The following VTI1B variants were observed in gnomAD, a reference collection of about 807,000 sequenced individuals.
The protein encoded by VTI1B is vesicle transport through interaction with t-SNAREs 1B.
Under a neutral mutation model 28.6 loss-of-function variants are expected in VTI1B, and 18 were observed. That is an observed-to-expected ratio of 0.63 (90% CI 0.43 to 0.93). The LOEUF (loss-of-function observed/expected upper bound fraction) is 0.93. Among genes scored for constraint, VTI1B ranks in the 40% least tolerant of loss-of-function variants. The probability of loss-of-function intolerance (pLI) is 0.00; values close to 1 mark genes in which losing one functional copy is unlikely to be tolerated. For synonymous variants in VTI1B, 100 were observed against 107.9 expected (o/e 0.93, Z 0.46); for missense variants, 283 against 297.0 (o/e 0.95, Z 0.35).
chr14:67,658,393 G>A (rs989527091), intron 3 of VTI1B, among the ~76,000 whole-genome samples: 10 of 151,998 alleles, frequency 6.6e-5, no homozygotes, highest in Admixed American at 1.3e-4. Context: ...AGGAGATGGA[G>A]ATCATCCTGG....
chr14:67,661,185 C>T (rs1408800690), intron 2 of VTI1B, among the ~76,000 whole-genome samples: 1 of 145,212 alleles, frequency 6.9e-6, no homozygotes, highest in African/African-American at 2.6e-5. Context: ...GTACTAGCAG[C>T]GACCAGAATT....
chr14:67,656,278 G>C, intron 4 of VTI1B, 138 bp downstream of exon 4: 1 of 753,922 alleles, frequency 1.3e-6, no homozygotes. Flanking sequence ...AATAAAAATT[G>C]AGAAAAGCAT....
chr14:67,666,067 G>A (rs528045843), intron 1 of VTI1B, among the ~76,000 whole-genome samples: 6 of 152,300 alleles, frequency 3.9e-5, no homozygotes, highest in East Asian at 3.9e-4. Context: ...CAAAAGTGCT[G>A]AGCATCATCA....
At chr14:67,663,238 C>G (rs1264945912) in intron 1 of VTI1B, 52 of 1,284,914 alleles carry the variant, frequency 4.0e-5, no homozygotes, top group Non-Finnish European at 5.2e-5. Flanking sequence ...AAACATCTAA[C>G]TAAAACAGTA....
rs2037348061 is a variant in VTI1B, at chr14:67,662,316, C to T, written c.174+161G>A. Among the ~76,000 whole-genome samples the T allele has an allele frequency of 2.6e-5, 4 of 152,140 alleles. No individual in the cohort carries two copies. The South Asian group carries it at 8.3e-4, about 31-fold the overall frequency. On this transcript the variant is annotated intron_variant, in intron 2 of 5. Transcript: ENST00000554659. The stretch of plus-strand genomic sequence containing the variant: ...AGGCTTCACCCATTTGTTTGCCAAA[C>T]CCCCTCAACAACCATCCCCATCAAC...
intron 1 of VTI1B, among the ~76,000 whole-genome samples, chr14:67,671,379 G>T (rs2037463129): frequency 6.6e-6 from 1 of 151,816 alleles, no homozygotes; most frequent in Non-Finnish European, 1.5e-5. Context: ...TACAAAAATT[G>T]GCTAGGTGTG....
At position 67,672,547 on chromosome 14, in the gene VTI1B, G is replaced by T. The variant is rs375374109; in HGVS notation, c.115+1828C>A. Among the ~76,000 whole-genome samples the T allele has an allele frequency of 3.1e-4, 46 of 148,318 alleles. 1 individual carries two copies. Among genetic ancestry groups the T allele is most frequent in the African/African-American group, 1.1e-3 (45 of 40,386 alleles). On this transcript the variant is annotated intron_variant, in intron 1 of 5. Coordinates refer to ENST00000554659, the MANE Select transcript of VTI1B (RefSeq NM_006370.3). ...TGCAACCTCCGCCTCCTGGGTTCAA[G>T]CAATTCTGCCTCAGCCTCCTGAGTA... is the stretch of plus-strand genomic sequence containing the variant.
At position 67,674,533 on chromosome 14, in the gene VTI1B, C is replaced by G. The variant is rs781493601; in HGVS notation, c.-44G>C. ...GCAGCGGCCACCGAGATTCGGGGCC[C>G]TGGGCCCTTTCCTAGCCCGGCGGTC... is the stretch of plus-strand genomic sequence containing the variant. On this transcript the variant is annotated 5_prime_UTR_variant, in exon 1 of 6. Transcript: ENST00000554659. 4.6e-6 allele frequency: 7 copies of G among 1,521,958 alleles called. No individual in the cohort carries two copies. The highest frequency in any genetic ancestry group is 6.2e-6 in the Non-Finnish European group (7 of 1,132,718). The allele number at this position is 1,521,958 out of a possible 1,614,324, so 94.3% of individuals were successfully genotyped here. A position where few individuals can be genotyped will look rare whatever the true frequency, so the allele number is the denominator to read the frequency against.
In VTI1B at chr14:67,651,171, T is replaced by C. The variant is rs1257541138; in HGVS notation, c.*214A>G. ...AAATTTAAAGAAGTCATAAACAGCA[T>C]TTATTACCTTGGTATATCATACTGG... On this transcript the variant is annotated 3_prime_UTR_variant, in exon 6 of 6. Transcript: ENST00000554659. The C allele has an allele frequency of 4.9e-6, 5 of 1,012,812 alleles. No homozygotes were observed. Among genetic ancestry groups the C allele is most frequent in the African/African-American group, 3.3e-5 (2 of 61,352 alleles). The allele number at this position is 1,012,812 out of a possible 1,614,324, so 62.7% of individuals were successfully genotyped here. A position where few individuals can be genotyped will look rare whatever the true frequency, so the allele number is the denominator to read the frequency against.
At position 67,650,940 on chromosome 14, in the gene VTI1B, T is replaced by C. The variant is rs757822631; in HGVS notation, c.*445A>G. 6.2e-7 allele frequency: 1 copy of C among 1,609,478 alleles called. No homozygotes were observed. On this transcript the variant is annotated 3_prime_UTR_variant, in exon 6 of 6. Coordinates refer to ENST00000554659, the MANE Select transcript of VTI1B (RefSeq NM_006370.3). The stretch of plus-strand genomic sequence containing the variant: ...ATTTAGGAGACACTGTGCACTGACA[T>C]GTTTCACAACAGGCATTCCAGAATT...
chr14:67,656,797 C>G (rs2037264044), intron 3 of VTI1B, among the ~76,000 whole-genome samples: 1 of 152,116 alleles, frequency 6.6e-6, no homozygotes, highest in Admixed American at 6.5e-5. Context: ...TCACAATACC[C>G]CCACTCCACT....
rs1186420317 is a variant in VTI1B, at chr14:67,648,809, T to A, written c.*2576A>T. The stretch of plus-strand genomic sequence containing the variant: ...CATTTCTGTCAGAAAGCTTCTGGTT[T>A]TAAAGCTACTTCAAATGACCTTTCA... On this transcript the variant is annotated 3_prime_UTR_variant, in exon 6 of 6. Transcript: ENST00000554659. 4 of 152,218 alleles carry A rather than the reference T, an allele frequency of 2.6e-5. No individual in the cohort carries two copies. The highest frequency in any genetic ancestry group is 5.9e-5 in the Non-Finnish European group (4 of 68,046). The allele number at this position is 152,218 out of a possible 1,614,324, so 9.4% of individuals were successfully genotyped here.
chr14:67,655,027 T>TC (rs1555383300), intron 4 of VTI1B, among the ~76,000 whole-genome samples: 2 of 16,504 alleles, frequency 1.2e-4, no homozygotes, highest in Non-Finnish European at 2.5e-4. Context: ...AGACTCCATC[T>TC]CAAAAAAAAA....
intron 1 of VTI1B, among the ~76,000 whole-genome samples, chr14:67,664,143 T>C (rs1286024083): frequency 6.6e-6 from 1 of 152,220 alleles, no homozygotes; most frequent in Non-Finnish European, 1.5e-5. Flanking sequence ...GCAAAATACA[T>C]GTAATATAAA....
chr14:67,648,099 C>A lies in VTI1B; in HGVS notation c.*3286G>T, dbSNP rs778606810. ...TGATATTGATGCATTTGACCCTACACTGGCTCCAGCCACAGGAACTCCTGT... is the reference window on the plus strand; with the variant it reads ...TGATATTGATGCATTTGACCCTACAATGGCTCCAGCCACAGGAACTCCTGT... On this transcript the variant is annotated 3_prime_UTR_variant, in exon 6 of 6. Transcript: ENST00000554659. The A allele has an allele frequency of 6.2e-7, 1 of 1,613,820 alleles. No homozygotes were observed. The highest frequency in any genetic ancestry group is 1.7e-5 in the Admixed American group (1 of 59,976).
intron 1 of VTI1B, among the ~76,000 whole-genome samples, chr14:67,667,830 G>A (rs556144382): frequency 6.6e-6 from 1 of 152,158 alleles, no homozygotes; most frequent in East Asian, 1.9e-4. Context: ...TGTAGTCCCA[G>A]CTACTCGGGA....
At chr14:67,673,502 T>C (rs2037495499) in intron 1 of VTI1B, among the ~76,000 whole-genome samples, 1 of 152,224 alleles carries the variant, frequency 6.6e-6, no homozygotes, top group South Asian at 2.1e-4. Context: ...TTTTTCACTG[T>C]AATTTGCAAT....
chr14:67,672,691 C>T (rs2037483091), intron 1 of VTI1B, among the ~76,000 whole-genome samples: 1 of 151,990 alleles, frequency 6.6e-6, no homozygotes, highest in Admixed American at 6.6e-5. Flanking sequence ...GATCCGCCCG[C>T]CTCGGCTTCC....
chr14:67,673,011 G>C (rs560843740), intron 1 of VTI1B, among the ~76,000 whole-genome samples: 22 of 152,278 alleles, frequency 1.4e-4, no homozygotes, highest in African/African-American at 3.1e-4. Context: ...ACTTCTCCCT[G>C]ATTTCTGGTT....
Sources: gnomAD v4.1 joint callset for allele counts (sites outside exome capture counted in the v4.1 genomes callset) on GRCh38, gnomAD v4.1.1 for gene constraint, MANE v1.5 for transcripts, NCBI Gene and HGNC (gene_info 2026-07-23, HGNC 2026-07-21) for gene names.